Variants in TSPAN5 observed in about 807,000 individuals in gnomAD.
TSPAN5 encodes the protein tetraspanin 5.
In TSPAN5, 10 loss-of-function variants were observed where a neutral mutation model predicts 37.1. The ratio of observed to expected loss-of-function variants is 0.27; its 90% CI spans 0.17 to 0.46. The LOEUF is 0.46. TSPAN5 is among the 20% of genes least tolerant of loss of function. TSPAN5 has a pLI of 1.00. For synonymous variants in TSPAN5, 110 were observed against 118.9 expected (o/e 0.93, Z 0.48); for missense variants, 195 against 326.6 (o/e 0.60, Z 3.11).
At chr4:98,543,613 T>C (rs1162576096) in intron 1 of TSPAN5, among the ~76,000 whole-genome samples, 1 of 151,706 alleles carries the variant, frequency 6.6e-6, no homozygotes, top group Non-Finnish European at 1.5e-5. Context: ...AGAGACAGGG[T>C]TTCACCATGT....
chr4:98,622,265 A>G (rs1485785987), intron 1 of TSPAN5, among the ~76,000 whole-genome samples: 1 of 152,030 alleles, frequency 6.6e-6, no homozygotes, highest in African/African-American at 2.4e-5. Context: ...TTTTTCATAG[A>G]GACAAATTAG....
intron 2 of TSPAN5, among the ~76,000 whole-genome samples, chr4:98,489,389 A>G (rs1753038132): frequency 6.6e-6 from 1 of 152,184 alleles, no homozygotes. Context: ...GTCAAATCAT[A>G]TATCGCCTGA....
intron 2 of TSPAN5, 139 bp downstream of exon 2, chr4:98,507,539 A>G (rs1010236495): frequency 4.5e-5 from 25 of 556,898 alleles, no homozygotes; most frequent in Non-Finnish European, 7.0e-5. Flanking sequence ...GTATGACATT[A>G]ATCTTCCACC....
At chr4:98,482,857 C>G (rs948550131) in intron 3 of TSPAN5, 3 of 152,012 alleles carry the variant, frequency 2.0e-5, no homozygotes, top group Non-Finnish European at 4.4e-5. Context: ...AAGCATGGGC[C>G]CCAGCAACAT....
At chr4:98,607,040 C>CG (rs1756054911) in intron 1 of TSPAN5, among the ~76,000 whole-genome samples, 1 of 152,114 alleles carries the variant, frequency 6.6e-6, no homozygotes, top group Middle Eastern at 3.4e-3. Flanking sequence ...AGGGAGCAGC[C>CG]GGGGGACCTG....
intron 1 of TSPAN5, among the ~76,000 whole-genome samples, chr4:98,546,962 A>G (rs1007668688): frequency 6.6e-6 from 1 of 152,254 alleles, no homozygotes; most frequent in Non-Finnish European, 1.5e-5. Flanking sequence ...AATGAGGTCC[A>G]TGCAGCAGAC....
intron 7 of TSPAN5, among the ~76,000 whole-genome samples, chr4:98,473,969 GTTCT>G (rs1752641531): frequency 6.6e-6 from 1 of 152,060 alleles, no homozygotes; most frequent in Non-Finnish European, 1.5e-5. Flanking sequence ...ACTTTTTAAA[GTTCT>G]TTATTTTTCT....
chr4:98,510,922 T>A (rs914527088), intron 1 of TSPAN5, among the ~76,000 whole-genome samples: 1 of 152,132 alleles, frequency 6.6e-6, no homozygotes, highest in African/African-American at 2.4e-5. Flanking sequence ...TTCCCAATAA[T>A]TAAACAGAGA....
chr4:98,590,722 AAG>A (rs1414539017), intron 1 of TSPAN5, among the ~76,000 whole-genome samples: 26 of 150,510 alleles, frequency 1.7e-4, no homozygotes, highest in Non-Finnish European at 3.2e-4. Flanking sequence ...AAAAAAAAAA[AAG>A]AGAGAGAGAG....
rs1235353553 is a variant in TSPAN5, at chr4:98,528,935, G to A, written c.82-21207C>T. Among the ~76,000 whole-genome samples, 4 of 152,130 alleles carry A rather than the reference G, an allele frequency of 2.6e-5. No homozygotes were observed. The South Asian group carries it at 6.2e-4, about 24-fold the overall frequency. On this transcript the variant is annotated intron_variant, in intron 1 of 7. Coordinates refer to ENST00000305798, the MANE Select transcript of TSPAN5 (RefSeq NM_005723.4). ...TTATCTCATTCAGTCTTCACAAAAGGGGAGAGGTACTGTTATTATTCACAT... is the reference window on the plus strand; with the variant it reads ...TTATCTCATTCAGTCTTCACAAAAGAGGAGAGGTACTGTTATTATTCACAT...
At chr4:98,633,293 C>T (rs1234626757) in intron 1 of TSPAN5, among the ~76,000 whole-genome samples, 3 of 152,188 alleles carry the variant, frequency 2.0e-5, no homozygotes, top group Non-Finnish European at 2.9e-5. Context: ...ACTAAAACTA[C>T]GCTACAACAG....
chr4:98,566,874 C>T (rs1755016267), intron 1 of TSPAN5, among the ~76,000 whole-genome samples: 1 of 152,210 alleles, frequency 6.6e-6, no homozygotes, highest in Non-Finnish European at 1.5e-5. Context: ...CAACACATTC[C>T]CTGGGGCCAA....
At chr4:98,591,409 TTTG>T (rs1755629694) in intron 1 of TSPAN5, among the ~76,000 whole-genome samples, 1 of 113,168 alleles carries the variant, frequency 8.8e-6, no homozygotes, top group Non-Finnish European at 1.7e-5. Flanking sequence ...AAATTCATTT[TTTG>T]TTAAGAATAC....
Position 98,472,528 on chromosome 4 carries a change from G to A in TSPAN5, c.801C>T (p.Ser267=). Residue 267 remains serine (S), a synonymous_variant, in exon 8 of 8, where the codon AGC becomes AGT. Coordinates refer to ENST00000305798, the MANE Select transcript of TSPAN5 (RefSeq NM_005723.4). Reference sequence around the variant, plus strand: ...AGCAGCGGTTGCAGGGGGTCTACCAGCTCGCCCTGACAGCTTCGATATCGC... The same window carrying A: ...AGCAGCGGTTGCAGGGGGTCTACCAACTCGCCCTGACAGCTTCGATATCGC... The part of the protein sequence containing the change: ...LVSDIEAVRA[S]W 1 of 1,613,978 alleles carries A rather than the reference G, an allele frequency of 6.2e-7. No homozygotes were observed. The highest frequency in any genetic ancestry group is 2.2e-5 in the East Asian group (1 of 44,874).
At chr4:98,622,322 C>A (rs1220066886) in intron 1 of TSPAN5, among the ~76,000 whole-genome samples, 1 of 152,204 alleles carries the variant, frequency 6.6e-6, no homozygotes, top group Non-Finnish European at 1.5e-5. Context: ...AGTGATCCAC[C>A]CGCCTCAGAT....
chr4:98,491,848 G>GGGTC (rs1407452901), intron 2 of TSPAN5, among the ~76,000 whole-genome samples: 2 of 152,110 alleles, frequency 1.3e-5, no homozygotes, highest in Non-Finnish European at 2.9e-5. Context: ...TGAGTAAGAA[G>GGGTC]TGCTAGTATA....
At chr4:98,590,752 C>A (rs11938413) in intron 1 of TSPAN5, among the ~76,000 whole-genome samples, 6 of 151,834 alleles carry the variant, frequency 4.0e-5, no homozygotes, top group Non-Finnish European at 8.8e-5. Flanking sequence ...TTAACTTGTC[C>A]GAGGTCACAG....
chr4:98,562,628 T>A (rs1754907002), intron 1 of TSPAN5, among the ~76,000 whole-genome samples: 1 of 151,936 alleles, frequency 6.6e-6, no homozygotes, highest in South Asian at 2.1e-4. Flanking sequence ...GCCACTGCAC[T>A]CCAGCCTGGC....
rs988813064 is a variant in TSPAN5 at position 98,548,144 on chromosome 4, C to T, written c.82-40416G>A. On this transcript the variant is annotated intron_variant, in intron 1 of 7. Coordinates refer to ENST00000305798, the MANE Select transcript of TSPAN5 (RefSeq NM_005723.4). ...CGGTCTCTTAGAAAGCATATGAACCCCCAGTTAAGTTCCTCAGTTCTAGTA... is the reference window on the plus strand; with the variant it reads ...CGGTCTCTTAGAAAGCATATGAACCTCCAGTTAAGTTCCTCAGTTCTAGTA... 2.6e-5 allele frequency among the ~76,000 whole-genome samples: 4 copies of T among 152,058 alleles called. 1 individual carries two copies.
Sources: gnomAD v4.1 joint callset for allele counts (sites outside exome capture counted in the v4.1 genomes callset) on GRCh38, gnomAD v4.1.1 for gene constraint, MANE v1.5 for transcripts, NCBI Gene and HGNC (gene_info 2026-07-23, HGNC 2026-07-21) for gene names.